Variants in GMDS observed in about 807,000 individuals in gnomAD.
GMDS encodes the protein GDP-mannose 4,6-dehydratase.
GMDS carries 20 observed loss-of-function variants against 49.9 expected under a neutral mutation model. That is an observed-to-expected ratio of 0.40 (90% CI 0.28 to 0.58). The LOEUF (loss-of-function observed/expected upper bound fraction) is 0.58, where lower values mean the gene tolerates loss of function less well. GMDS is among the 20% of genes least tolerant of loss of function. GMDS has a pLI of 0.42. For missense variants in GMDS, 362 were observed against 481.4 expected (o/e 0.75, Z 2.32); for synonymous variants, 177 against 178.6 (o/e 0.99, Z 0.07).
At position 1,659,536 on chromosome 6, in the gene GMDS, G is replaced by A. The variant is rs958266588; in HGVS notation, c.988-34996C>T. ...AATATCCATACTGTCTACCCAGATA[G>A]GTTCAGGCAAGGAAGGGGCTGGGTG... On this transcript the variant is annotated intron_variant, in intron 9 of 10. Transcript: ENST00000380815. 5.3e-5 allele frequency among the ~76,000 whole-genome samples: 8 copies of A among 152,236 alleles called. No homozygotes were observed. In the East Asian group the frequency reaches 1.5e-3, roughly 29 times the overall value.
chr6:2,139,510 A>G (rs1776179056), intron 1 of GMDS, among the ~76,000 whole-genome samples: 1 of 152,192 alleles, frequency 6.6e-6, no homozygotes, highest in Non-Finnish European at 1.5e-5. Flanking sequence ...TGTGGCTTAT[A>G]GCTATTGTTC....
At chr6:1,773,610 A>C (rs1768673004) in intron 7 of GMDS, among the ~76,000 whole-genome samples, 1 of 152,220 alleles carries the variant, frequency 6.6e-6, no homozygotes, top group Non-Finnish European at 1.5e-5. Flanking sequence ...CTGGCTCGGA[A>C]ACAGGCCTGT....
chr6:2,070,200 T>C (rs180929983), intron 4 of GMDS, among the ~76,000 whole-genome samples: 2 of 146,182 alleles, frequency 1.4e-5, no homozygotes, highest in African/African-American at 5.1e-5. Flanking sequence ...TTCTCACTCA[T>C]AGGTGGCAAT....
At chr6:1,970,088 GT>G (rs1764515740) in intron 4 of GMDS, among the ~76,000 whole-genome samples, 1 of 152,234 alleles carries the variant, frequency 6.6e-6, no homozygotes, top group South Asian at 2.1e-4. Context: ...ATGAGCCAAA[GT>G]TTCCTGACTA....
At chr6:1,658,474 G>A (rs762527329) in intron 9 of GMDS, among the ~76,000 whole-genome samples, 1 of 152,368 alleles carries the variant, frequency 6.6e-6, no homozygotes, top group African/African-American at 2.4e-5. Flanking sequence ...TGCATCACAG[G>A]CATCCTCCTG....
At chr6:1,704,045 T>C (rs9405504) in intron 9 of GMDS, among the ~76,000 whole-genome samples, 22,728 of 152,054 alleles carry the variant, frequency 0.15, 3,277 homozygotes, top group African/African-American at 0.38. Context: ...CACCTATCAT[T>C]TGTCTGCCAC....
chr6:1,688,504 T>C (rs934864788), intron 9 of GMDS, among the ~76,000 whole-genome samples: 4 of 152,216 alleles, frequency 2.6e-5, no homozygotes, highest in African/African-American at 7.2e-5. Flanking sequence ...TGTGTGTTTC[T>C]ACATTACATC....
At chr6:1,829,399 G>A (rs1449182836) in intron 7 of GMDS, among the ~76,000 whole-genome samples, 1 of 152,158 alleles carries the variant, frequency 6.6e-6, no homozygotes, top group African/African-American at 2.4e-5. Flanking sequence ...CCCCTAAGAG[G>A]TTGTTTATCC....
At chr6:2,200,866 G>T (rs1010817099) in intron 1 of GMDS, among the ~76,000 whole-genome samples, 5 of 140,214 alleles carry the variant, frequency 3.6e-5, no homozygotes, top group South Asian at 2.4e-4. Flanking sequence ...TAGCAGAGAG[G>T]TGAAGGATGA....
intron 7 of GMDS, among the ~76,000 whole-genome samples, chr6:1,905,421 C>T (rs369288542): frequency 3.2e-3 from 470 of 145,448 alleles, no homozygotes; most frequent in Admixed American, 4.4e-3. Flanking sequence ...GGTGCCTGTG[C>T]ATCTGCATGT....
chr6:1,718,818 T>C (rs1561754285), intron 9 of GMDS, among the ~76,000 whole-genome samples: 2 of 150,810 alleles, frequency 1.3e-5, no homozygotes, highest in South Asian at 2.1e-4. Flanking sequence ...TATACTGATA[T>C]ATATCTGAGA....
intron 7 of GMDS, among the ~76,000 whole-genome samples, chr6:1,868,441 C>A (rs1025605983): frequency 2.0e-5 from 3 of 152,114 alleles, no homozygotes; most frequent in African/African-American, 7.2e-5. Flanking sequence ...CCGCAGTGAT[C>A]CCGGTTGAAT....
chr6:2,106,478 A>G (rs1332869630), intron 4 of GMDS, among the ~76,000 whole-genome samples: 1 of 152,090 alleles, frequency 6.6e-6, no homozygotes, highest in Non-Finnish European at 1.5e-5. Flanking sequence ...ATACATACAA[A>G]TTTTGGGGGC....
chr6:2,061,667 C>T (rs1462547492), intron 4 of GMDS, among the ~76,000 whole-genome samples: 2 of 134,016 alleles, frequency 1.5e-5, no homozygotes, highest in African/African-American at 2.8e-5. Context: ...TGCAGTGAGC[C>T]GAGATTGTGT....
chr6:2,185,603 C>T (rs1374925550), intron 1 of GMDS, among the ~76,000 whole-genome samples: 4 of 152,192 alleles, frequency 2.6e-5, no homozygotes, highest in Admixed American at 2.6e-4. Context: ...TGTACCAAGG[C>T]TGCCCTGTGT....
At chr6:2,147,390 G>A (rs1776612290) in intron 1 of GMDS, among the ~76,000 whole-genome samples, 1 of 152,120 alleles carries the variant, frequency 6.6e-6, no homozygotes, top group African/African-American at 2.4e-5. Context: ...CCTAATTTCA[G>A]CAGTACGTGA....
At chr6:1,805,604 G>T (rs946101712) in intron 7 of GMDS, among the ~76,000 whole-genome samples, 2 of 152,188 alleles carry the variant, frequency 1.3e-5, no homozygotes, top group African/African-American at 4.8e-5. Context: ...GCAGTTAAGA[G>T]AACTCAACTG....
At chr6:1,721,612 GT>G (rs1766386644) in intron 9 of GMDS, among the ~76,000 whole-genome samples, 2 of 151,836 alleles carry the variant, frequency 1.3e-5, no homozygotes, top group South Asian at 4.2e-4. Flanking sequence ...GGGACTTTTT[GT>G]TTGTTTGACT....
Position 2,066,524 on chromosome 6 carries a change from T to A in GMDS, c.345+49247A>T, listed in dbSNP as rs917204194. On this transcript the variant is annotated intron_variant, in intron 4 of 10. Coordinates refer to ENST00000380815, the MANE Select transcript of GMDS (RefSeq NM_001500.4). ...CAGTGTGCTGTATTCAGGAAACCCA[T>A]CTCATGTGCAGAGACACACATAGGC... Among the ~76,000 whole-genome samples the A allele has an allele frequency of 3.3e-5, 5 of 151,924 alleles. No individual in the cohort carries two copies. The East Asian group carries it at 7.7e-4, about 24-fold the overall frequency.
Sources: gnomAD v4.1 joint callset for allele counts (sites outside exome capture counted in the v4.1 genomes callset) on GRCh38, gnomAD v4.1.1 for gene constraint, MANE v1.5 for transcripts, NCBI Gene and HGNC (gene_info 2026-07-23, HGNC 2026-07-21) for gene names.